Variants in GRAMD1B observed in about 807,000 individuals in gnomAD.
GRAMD1B encodes the protein protein Aster-B.
In GRAMD1B, 37 loss-of-function variants were observed where a neutral mutation model predicts 99.7. That is an observed-to-expected ratio of 0.37 (90% CI 0.29 to 0.49). The LOEUF (loss-of-function observed/expected upper bound fraction) is 0.49. Ranked by LOEUF, GRAMD1B falls within the 20% of genes least tolerant of loss-of-function variation. The pLI is 0.98. For synonymous variants in GRAMD1B, 427 were observed against 387.6 expected (o/e 1.10, Z -1.19); for missense variants, 888 against 1,009.2 (o/e 0.88, Z 1.63).
At chr11:123,476,111 T>TC (rs1951255796) in intron 1 of GRAMD1B, among the ~76,000 whole-genome samples, 1 of 150,548 alleles carries the variant, frequency 6.6e-6, no homozygotes, top group East Asian at 1.9e-4. Flanking sequence ...TTAACTTCTT[T>TC]TTTTTTTTTT....
intron 1 of GRAMD1B, among the ~76,000 whole-genome samples, chr11:123,367,961 G>A (rs1591360971): frequency 6.6e-6 from 1 of 151,938 alleles, no homozygotes; most frequent in Non-Finnish European, 1.5e-5. Flanking sequence ...TGGGGAGAAA[G>A]AGGAGGAGCC....
At chr11:123,432,921 G>A (rs1948967546) in intron 1 of GRAMD1B, among the ~76,000 whole-genome samples, 1 of 152,210 alleles carries the variant, frequency 6.6e-6, no homozygotes, top group Non-Finnish European at 1.5e-5. Context: ...CTCAGCAGGT[G>A]CAGATACAGA....
At chr11:123,446,043 A>G (rs575568995) in intron 1 of GRAMD1B, among the ~76,000 whole-genome samples, 20 of 151,982 alleles carry the variant, frequency 1.3e-4, no homozygotes, top group Admixed American at 2.6e-4. Flanking sequence ...TTTTGAGAGT[A>G]TTTCTCCCAA....
intron 2 of GRAMD1B, among the ~76,000 whole-genome samples, chr11:123,542,975 C>CT (rs66622576): frequency 7.3e-5 from 11 of 150,656 alleles, no homozygotes; most frequent in South Asian, 2.1e-4. Context: ...TTTTCTTTTT[C>CT]TTTTTTTTTT....
chr11:123,394,408 C>T (rs912253288), intron 1 of GRAMD1B, among the ~76,000 whole-genome samples: 12 of 152,324 alleles, frequency 7.9e-5, no homozygotes, highest in South Asian at 2.1e-4. Context: ...CCAAATGGAA[C>T]GGCCTCTCCA....
intron 1 of GRAMD1B, among the ~76,000 whole-genome samples, chr11:123,402,276 C>A (rs1947692606): frequency 6.6e-6 from 1 of 152,152 alleles, no homozygotes; most frequent in South Asian, 2.1e-4. Context: ...TCGGCCTCCC[C>A]AAAGTGCTGG....
rs186029297 is a variant in GRAMD1B, at chr11:123,528,708, G to A, written c.452+47815G>A. Among the ~76,000 whole-genome samples, 309 of 151,964 alleles carry A rather than the reference G, an allele frequency of 2.0e-3. 7 individuals are homozygous for A. The highest frequency in any genetic ancestry group is 0.019 in the Admixed American group (284 of 15,266). On this transcript the variant is annotated intron_variant, in intron 2 of 19. Transcript: ENST00000635736. ...ACACCGGCTTTTTTTTTTATGTTCTGTTGTCTCTTATATTCATTAGGTCAG... is the reference window on the plus strand; with the variant it reads ...ACACCGGCTTTTTTTTTTATGTTCTATTGTCTCTTATATTCATTAGGTCAG...
chr11:123,595,450 C>T (rs919938712), intron 6 of GRAMD1B, among the ~76,000 whole-genome samples: 2 of 152,026 alleles, frequency 1.3e-5, no homozygotes, highest in East Asian at 3.9e-4. Flanking sequence ...TGCGCCACCA[C>T]GCCCGCTAAT....
chr11:123,513,578 T>TTCCTTCCTTCCTTCCTTCCTTCC, intron 2 of GRAMD1B, among the ~76,000 whole-genome samples: 1 of 41,694 alleles, frequency 2.4e-5, no homozygotes, highest in South Asian at 1.2e-3. Flanking sequence ...CCTTCCTTCC[T>TTCCTTCCTTCCTTCCTTCCTTCC]TTCCTTCCTT....
intron 2 of GRAMD1B, among the ~76,000 whole-genome samples, chr11:123,540,876 C>T (rs967992006): frequency 1.3e-5 from 2 of 152,114 alleles, no homozygotes; most frequent in Non-Finnish European, 2.9e-5. Context: ...ACATGCATCC[C>T]TATCTGTCCA....
chr11:123,463,659 G>GA (rs1950539469), intron 1 of GRAMD1B, among the ~76,000 whole-genome samples: 2 of 152,294 alleles, frequency 1.3e-5, no homozygotes, highest in South Asian at 2.1e-4. Context: ...GGTCAGCAGA[G>GA]AAAAAAGTCA....
intron 1 of GRAMD1B, among the ~76,000 whole-genome samples, chr11:123,387,036 A>G (rs148578390): frequency 1.3e-5 from 2 of 152,256 alleles, no homozygotes; most frequent in Admixed American, 6.5e-5. Context: ...CTGTTAGACC[A>G]TGACTGCAGC....
chr11:123,559,001 CT>C (rs1565371169), intron 2 of GRAMD1B, among the ~76,000 whole-genome samples: 1 of 152,202 alleles, frequency 6.6e-6, no homozygotes, highest in Non-Finnish European at 1.5e-5. Flanking sequence ...TATTATTCAC[CT>C]TCAGCATGTT....
intron 2 of GRAMD1B, among the ~76,000 whole-genome samples, chr11:123,563,191 GTAGGA>G (rs1946971990): frequency 6.6e-6 from 1 of 152,214 alleles, no homozygotes. Flanking sequence ...TCACAAGGGA[GTAGGA>G]TAGGACCTCT....
At chr11:123,615,765 T>A (rs117832931) in intron 17 of GRAMD1B, among the ~76,000 whole-genome samples, 106 of 152,300 alleles carry the variant, frequency 7.0e-4, no homozygotes, top group Non-Finnish European at 1.4e-3. Flanking sequence ...GTCCTGGAGC[T>A]CAGATGACAA....
intron 2 of GRAMD1B, among the ~76,000 whole-genome samples, chr11:123,533,833 AC>A (rs1171946920): frequency 6.6e-6 from 1 of 152,236 alleles, no homozygotes; most frequent in African/African-American, 2.4e-5. Context: ...GGAGCCAAGT[AC>A]TCCAAGCAAG....
chr11:123,507,558 A>G (rs950723499), intron 2 of GRAMD1B, among the ~76,000 whole-genome samples: 2 of 152,216 alleles, frequency 1.3e-5, no homozygotes, highest in Non-Finnish European at 2.9e-5. Flanking sequence ...CAGGATATAC[A>G]TCCTTCCCCC....
At chr11:123,490,666 G>T (rs1938451730) in intron 2 of GRAMD1B, among the ~76,000 whole-genome samples, 1 of 152,154 alleles carries the variant, frequency 6.6e-6, no homozygotes, top group South Asian at 2.1e-4. Flanking sequence ...TCATGAATTG[G>T]GTACATATGG....
intron 11 of GRAMD1B, chr11:123,607,675 A>G (rs548068872): frequency 3.7e-5 from 3 of 80,988 alleles, no homozygotes; most frequent in African/African-American, 1.4e-4. Flanking sequence ...CCATCTGTGC[A>G]GTCATAGGAC....
Sources: gnomAD v4.1 joint callset for allele counts (sites outside exome capture counted in the v4.1 genomes callset) on GRCh38, gnomAD v4.1.1 for gene constraint, MANE v1.5 for transcripts, NCBI Gene and HGNC (gene_info 2026-07-23, HGNC 2026-07-21) for gene names.